Variants in BIVM observed in about 807,000 individuals in gnomAD.
The protein encoded by BIVM is basic immunoglobulin-like variable motif-containing protein.
In BIVM, 31 loss-of-function variants were observed where a neutral mutation model predicts 61.4. That is an observed-to-expected ratio of 0.51 (90% CI 0.38 to 0.68). BIVM has a LOEUF of 0.68. Ranked by LOEUF, BIVM falls within the 30% of genes least tolerant of loss-of-function variation. The probability of loss-of-function intolerance (pLI) is 0.00; values close to 1 mark genes in which losing one functional copy is unlikely to be tolerated. For synonymous variants in BIVM, 189 were observed against 210.7 expected (o/e 0.90, Z 0.89); for missense variants, 526 against 596.0 (o/e 0.88, Z 1.22).
In BIVM at chr13:102,807,504, G is replaced by C; in HGVS notation, c.237G>C (p.Ala79=). 3 of 1,614,088 alleles carry C rather than the reference G, an allele frequency of 1.9e-6. No individual in the cohort carries two copies. Among genetic ancestry groups the C allele is most frequent in the Non-Finnish European group, 2.5e-6 (3 of 1,180,020 alleles). Residue 79 remains alanine, a synonymous_variant, in exon 3 of 11, where the codon GCG becomes GCC. Transcript: ENST00000257336. The surrounding 1 kb of genome is among the most constrained non-coding windows in gnomAD (Gnocchi z 4.0). ...CGGACTATGCCTTTCTCAACCAGGC[G>C]ACCTCAATCTATAAAACTCCAAATC... The part of the protein sequence containing the change: ...ICSDYAFLNQ[A]TSIYKTPNPS...
intron 3 of BIVM, among the ~76,000 whole-genome samples, chr13:102,815,044 A>C (rs149910348): frequency 3.6e-4 from 55 of 152,086 alleles, no homozygotes; most frequent in African/African-American, 1.2e-3. Context: ...ACCTTGTCTC[A>C]AAACAAACAA....
intron 1 of BIVM, among the ~76,000 whole-genome samples, chr13:102,802,688 A>T (rs1371499978): frequency 1.3e-5 from 2 of 151,928 alleles, no homozygotes; most frequent in African/African-American, 4.8e-5. Context: ...ACCATTATTT[A>T]AAAGCAAACA....
chr13:102,818,654 G>A (rs911098671), intron 4 of BIVM, among the ~76,000 whole-genome samples: 6 of 152,124 alleles, frequency 3.9e-5, no homozygotes, highest in African/African-American at 1.4e-4. Flanking sequence ...ATGCCCTGAG[G>A]GGAAAACATC....
In BIVM at chr13:102,833,327, G is replaced by GTTTTTTTTTTTTTTTTTTTTTTTTTT. The variant is rs532303115; in HGVS notation, c.1035-1121_1035-1120insTTTTTTTTTTTTTTTTTTTTTTTTTT. On this transcript the variant is annotated intron_variant, in intron 8 of 10. Coordinates refer to ENST00000257336, the MANE Select transcript of BIVM (RefSeq NM_017693.4). ...TGGCTTGGTCATGGGGATAGGATGGGTTTTTTTTTTTTTTTTTTGAGACAA... is the reference window on the plus strand; with the variant it reads ...TGGCTTGGTCATGGGGATAGGATGGGTTTTTTTTTTTTTTTTTTTTTTTTTTTTTTTTTTTTTTTTTTTTGAGACAA... Among the ~76,000 whole-genome samples the GTTTTTTTTTTTTTTTTTTTTTTTTTT allele has an allele frequency of 5.0e-4, 40 of 79,598 alleles. 6 individuals carry two copies. Among genetic ancestry groups the GTTTTTTTTTTTTTTTTTTTTTTTTTT allele is most frequent in the Non-Finnish European group, 7.6e-4 (29 of 38,120 alleles). 52.2% of individuals were successfully genotyped at this position (79,598 alleles called of 152,430 possible). A position where few individuals can be genotyped will look rare whatever the true frequency, so the allele number is the denominator to read the frequency against.
intron 8 of BIVM, among the ~76,000 whole-genome samples, chr13:102,833,327 G>GTTTTTTGTTTTTTTTTTTTTTTT (rs1881233548): frequency 1.3e-5 from 1 of 79,596 alleles, no homozygotes; most frequent in Admixed American, 1.7e-4. Context: ...GATAGGATGG[G>GTTTTTTGTTTTTTTTTTTTTTTT]TTTTTTTTTT....
In BIVM at chr13:102,839,762, G is replaced by A; in HGVS notation, c.1409G>A (p.Ser470Asn). ...CATGGGCGTCTGGGCCGGTCTTTCA[G>A]TGCTAGTTTCCATCAGGACTCGGCA... ...KQHGRLGRSF[S>N]ASFHQDSAWK... Residue 470 changes from serine to asparagine, a missense_variant, in exon 11 of 11, where the codon AGT becomes AAT. By Grantham distance (46) the Ser-to-Asn change is conservative. Transcript: ENST00000257336. 1 of 1,614,180 alleles carries A rather than the reference G, an allele frequency of 6.2e-7. No homozygotes were observed.
chr13:102,812,955 C>T (rs1879604528), intron 3 of BIVM, among the ~76,000 whole-genome samples: 1 of 152,220 alleles, frequency 6.6e-6, no homozygotes, highest in Admixed American at 6.5e-5. Flanking sequence ...CACAAACTGC[C>T]TGAAGCTTCT....
In BIVM at chr13:102,807,082, A is replaced by C. The variant is rs1879157017; in HGVS notation, c.-122-64A>C. 1.7e-6 allele frequency: 1 copy of C among 572,806 alleles called. No homozygotes were observed. The highest frequency in any genetic ancestry group is 2.9e-6 in the Non-Finnish European group (1 of 340,198). 35.5% of individuals were successfully genotyped at this position (572,806 alleles called of 1,614,324 possible). A position where few individuals can be genotyped will look rare whatever the true frequency, so the allele number is the denominator to read the frequency against. ...GGCATATGTATGCATAAAACTTGCTATGCTTTTTAGTGGCTCTTTGTGTAT... is the reference window on the plus strand; with the variant it reads ...GGCATATGTATGCATAAAACTTGCTCTGCTTTTTAGTGGCTCTTTGTGTAT... On this transcript the variant is annotated intron_variant, in intron 2 of 10. Coordinates refer to ENST00000257336, the MANE Select transcript of BIVM (RefSeq NM_017693.4). The surrounding 1 kb of genome is among the most constrained non-coding windows in gnomAD (Gnocchi z 4.0).
At chr13:102,830,343 A>G (rs1245504927) in intron 7 of BIVM, among the ~76,000 whole-genome samples, 1 of 152,172 alleles carries the variant, frequency 6.6e-6, no homozygotes, top group Non-Finnish European at 1.5e-5. Flanking sequence ...CACTGAAACT[A>G]TGACTTGCAA....
intron 1 of BIVM, among the ~76,000 whole-genome samples, chr13:102,804,415 G>A (rs536024909): frequency 1.3e-5 from 2 of 152,290 alleles, no homozygotes; most frequent in African/African-American, 2.4e-5. Context: ...GGTTCAGGCC[G>A]TTCTCCTGCC....
At chr13:102,837,622 C>T (rs1028037979) in intron 9 of BIVM, among the ~76,000 whole-genome samples, 3 of 152,132 alleles carry the variant, frequency 2.0e-5, no homozygotes, top group African/African-American at 7.2e-5. Flanking sequence ...TGGTACAATT[C>T]GCAGTTGCAA....
chr13:102,809,384 A>G (rs185516309), intron 3 of BIVM, among the ~76,000 whole-genome samples: 32 of 152,266 alleles, frequency 2.1e-4, no homozygotes, highest in African/African-American at 7.7e-4. Context: ...AGTCTTTTTA[A>G]ATTTACTGAG....
intron 3 of BIVM, among the ~76,000 whole-genome samples, chr13:102,808,265 G>A (rs1310867114): frequency 1.3e-5 from 2 of 152,190 alleles, no homozygotes; most frequent in Non-Finnish European, 2.9e-5. Flanking sequence ...AACTTTCACA[G>A]TTGCAATGGG....
chr13:102,804,208 C>T (rs1038543898), intron 1 of BIVM, among the ~76,000 whole-genome samples: 2 of 152,184 alleles, frequency 1.3e-5, no homozygotes, highest in African/African-American at 2.4e-5. Context: ...AGTGCAGTGG[C>T]GCGATCTTGG....
At chr13:102,836,470 G>A (rs1271869225) in intron 9 of BIVM, among the ~76,000 whole-genome samples, 1 of 152,062 alleles carries the variant, frequency 6.6e-6, no homozygotes, top group Non-Finnish European at 1.5e-5. Context: ...GTGCCCCCAT[G>A]CCCTACTAAT....
intron 6 of BIVM, 25 bp downstream of exon 6, chr13:102,821,872 T>C (rs1207621276): frequency 6.2e-7 from 1 of 1,602,664 alleles, no homozygotes; most frequent in South Asian, 1.1e-5. Context: ...TTAGAGGCAA[T>C]ATCGTGTTTC....
At chr13:102,815,928 T>A (rs1879841812) in intron 3 of BIVM, among the ~76,000 whole-genome samples, 1 of 152,270 alleles carries the variant, frequency 6.6e-6, no homozygotes, top group Admixed American at 6.5e-5. Context: ...GAGATATTTT[T>A]AAACATCACA....
At chr13:102,825,867 T>C (rs1880632943) in intron 7 of BIVM, among the ~76,000 whole-genome samples, 1 of 152,200 alleles carries the variant, frequency 6.6e-6, no homozygotes, top group Admixed American at 6.5e-5. Context: ...TCCTGGGTTG[T>C]CACAGCACCA....
chr13:102,835,762 A>G (rs1318282005), intron 9 of BIVM, among the ~76,000 whole-genome samples: 1 of 152,154 alleles, frequency 6.6e-6, no homozygotes, highest in Non-Finnish European at 1.5e-5. Flanking sequence ...CAAACTACTG[A>G]TATCAAGTGA....
Sources: allele counts gnomAD v4.1 joint callset (sites outside exome capture counted in the v4.1 genomes callset), GRCh38; gene constraint gnomAD v4.1.1; non-coding constraint Gnocchi (gnomAD v3.1); transcripts MANE v1.5; gene names NCBI Gene and HGNC (gene_info 2026-07-23, HGNC 2026-07-21).